The following RBFOX1 variants were observed in gnomAD, a reference collection of about 807,000 sequenced individuals.
RBFOX1 encodes the protein RNA binding fox-1 homolog 1.
In RBFOX1, 8 loss-of-function variants were observed where a neutral mutation model predicts 57.7. That is an observed-to-expected ratio of 0.14 (90% CI 0.08 to 0.25). The LOEUF is 0.25. RBFOX1 is among the 10% of genes least tolerant of loss of function. The pLI, the probability that RBFOX1 is intolerant of heterozygous loss-of-function variation, is 1.00. For synonymous variants in RBFOX1, 326 were observed against 222.4 expected, an observed-to-expected ratio of 1.47 and a Z score of -4.15; for missense variants, 611 against 548.5, an observed-to-expected ratio of 1.11 and a Z score of -1.14.
chr16:6,621,249 C>G (rs942912504), intron 2 of RBFOX1, among the ~76,000 whole-genome samples: 2 of 152,148 alleles, frequency 1.3e-5, no homozygotes, highest in Non-Finnish European at 2.9e-5. Flanking sequence ...ATCACAAGGT[C>G]AGGAGATGGA....
At chr16:5,300,459 T>C (rs2063776179) in intron 1 of RBFOX1, among the ~76,000 whole-genome samples, 1 of 152,118 alleles carries the variant, frequency 6.6e-6, no homozygotes, top group Non-Finnish European at 1.5e-5. Flanking sequence ...CCACCACTAA[T>C]GAATTTATTC....
intron 4 of RBFOX1, among the ~76,000 whole-genome samples, chr16:7,467,857 C>G (rs1054007440): frequency 6.6e-6 from 1 of 152,196 alleles, no homozygotes; most frequent in East Asian, 1.9e-4. Flanking sequence ...CAATCTATAG[C>G]CAAAGTAATG....
chr16:5,915,829 AT>A lies in RBFOX1; in HGVS notation c.351+48495del, dbSNP rs544646261. Among the ~76,000 whole-genome samples the A allele has an allele frequency of 1.4e-3, 208 of 151,090 alleles. 1 individual carries two copies. The highest frequency in any genetic ancestry group is 9.6e-4 in the Non-Finnish European group (65 of 68,010). ...CCTGGGTGACAGGGCGAGACTCAGTATAAAAAGAAAAAAAAAAGTTTATAGA... is the reference window on the plus strand; with the variant it reads ...CCTGGGTGACAGGGCGAGACTCAGTAAAAAAGAAAAAAAAAAGTTTATAGA... On this transcript the variant is annotated intron_variant, in intron 4 of 19. Transcript: ENST00000641259.
At chr16:6,545,370 C>T (rs1044246762) in intron 2 of RBFOX1, among the ~76,000 whole-genome samples, 2 of 152,180 alleles carry the variant, frequency 1.3e-5, no homozygotes, top group African/African-American at 2.4e-5. Flanking sequence ...TTTCATCTGG[C>T]CTCTTGCCTT....
At position 5,247,810 on chromosome 16, in the gene RBFOX1, C is replaced by G. The variant is rs2151070945; in HGVS notation, c.219+7705C>G. Among the ~76,000 whole-genome samples the G allele has an allele frequency of 2.0e-5, 3 of 152,310 alleles. No homozygotes were observed. In the South Asian group the frequency reaches 6.2e-4, roughly 32 times the overall value. The stretch of plus-strand genomic sequence containing the variant: ...TAGGTTAAGAGGACTTTGTACCACC[C>G]TGACATCCCAGGCGGCCATGAGTCC... On this transcript the variant is annotated intron_variant, in intron 1 of 2. Transcript: ENST00000585867.
chr16:6,887,652 T>C (rs902615408), intron 3 of RBFOX1, among the ~76,000 whole-genome samples: 1 of 146,834 alleles, frequency 6.8e-6, no homozygotes, highest in Non-Finnish European at 1.5e-5. Flanking sequence ...TTGTTTTTGC[T>C]GTCTTTCCAT....
chr16:6,726,512 A>G (rs1249667785), intron 3 of RBFOX1, among the ~76,000 whole-genome samples: 2 of 152,086 alleles, frequency 1.3e-5, no homozygotes, highest in East Asian at 1.9e-4. Flanking sequence ...ATAAACTGAA[A>G]TCAAAGTACA....
At position 5,857,369 on chromosome 16, in the gene RBFOX1, A is replaced by G. The variant is rs140866716; in HGVS notation, c.319-9934A>G. Among the ~76,000 whole-genome samples the G allele has an allele frequency of 1.7e-3, 256 of 152,296 alleles. 1 individual carries two copies. The highest frequency in any genetic ancestry group is 6.0e-3 in the African/African-American group (249 of 41,572). ...TGAAAAAATTTTAAATATTGCAGGT[A>G]TTACCAAAATGTGCCACAGAGACAT... On this transcript the variant is annotated intron_variant, in intron 3 of 19. Transcript: ENST00000641259.
chr16:7,064,394 C>G (rs996759459), intron 4 of RBFOX1, among the ~76,000 whole-genome samples: 2 of 152,014 alleles, frequency 1.3e-5, no homozygotes, highest in East Asian at 1.9e-4. Context: ...GTCTTGAACC[C>G]CTGACCTCAG....
rs186071927 is a variant in RBFOX1, at chr16:7,661,753, T to C, written c.891-3176T>C. Among the ~76,000 whole-genome samples the C allele has an allele frequency of 3.9e-3, 587 of 152,312 alleles. 4 individuals are homozygous for C. The highest frequency in any genetic ancestry group is 0.013 in the African/African-American group (549 of 41,570). On this transcript the variant is annotated intron_variant, in intron 12 of 15. Transcript: ENST00000550418. ...AGCTTTCAGTCACAGAGAAATAGTATGTATTTGGCTTGTTTGAGCTTTTCA... is the reference window on the plus strand; with the variant it reads ...AGCTTTCAGTCACAGAGAAATAGTACGTATTTGGCTTGTTTGAGCTTTTCA...
intron 4 of RBFOX1, among the ~76,000 whole-genome samples, chr16:7,071,593 G>A (rs201999620): frequency 3.8e-5 from 1 of 26,660 alleles, no homozygotes; most frequent in African/African-American, 5.6e-5. Flanking sequence ...AGATATGTGT[G>A]TGTGTGTGTG....
At chr16:6,543,125 A>G (rs1445362742) in intron 2 of RBFOX1, among the ~76,000 whole-genome samples, 1 of 152,130 alleles carries the variant, frequency 6.6e-6, no homozygotes, top group African/African-American at 2.4e-5. Flanking sequence ...AGATAAGGAG[A>G]GTTACACTCA....
At chr16:6,290,999 C>T (rs967105081) in intron 1 of RBFOX1, among the ~76,000 whole-genome samples, 4 of 152,096 alleles carry the variant, frequency 2.6e-5, no homozygotes, top group Non-Finnish European at 5.9e-5. Context: ...GATGATATGC[C>T]AAACAAGGGG....
At chr16:7,189,749 AC>A (rs1299174604) in intron 4 of RBFOX1, among the ~76,000 whole-genome samples, 1 of 152,230 alleles carries the variant, frequency 6.6e-6, no homozygotes, top group Non-Finnish European at 1.5e-5. Context: ...TCCCACAGAC[AC>A]CTGCAGGCAA....
At chr16:7,072,700 A>G (rs1567157190) in intron 4 of RBFOX1, among the ~76,000 whole-genome samples, 1 of 152,248 alleles carries the variant, frequency 6.6e-6, no homozygotes, top group Non-Finnish European at 1.5e-5. Flanking sequence ...ACCATAAACA[A>G]CTTTAATACT....
At chr16:5,258,018 G>A (rs62019132) in intron 1 of RBFOX1, among the ~76,000 whole-genome samples, 1 of 152,032 alleles carries the variant, frequency 6.6e-6, no homozygotes, top group Non-Finnish European at 1.5e-5. Context: ...AGCTGGGACT[G>A]CGGGTGCACA....
intron 4 of RBFOX1, among the ~76,000 whole-genome samples, chr16:7,246,870 T>C (rs1399192585): frequency 6.6e-6 from 1 of 152,122 alleles, no homozygotes. Flanking sequence ...TGAACTCCAG[T>C]TCTGCCATCC....
At chr16:6,533,908 A>G (rs1314936207) in intron 2 of RBFOX1, among the ~76,000 whole-genome samples, 1 of 152,170 alleles carries the variant, frequency 6.6e-6, no homozygotes, top group African/African-American at 2.4e-5. Flanking sequence ...TTGTCCCATA[A>G]AAAGACATTA....
chr16:6,258,547 C>A (rs1420896960), intron 1 of RBFOX1, among the ~76,000 whole-genome samples: 1 of 152,196 alleles, frequency 6.6e-6, no homozygotes, highest in Non-Finnish European at 1.5e-5. Context: ...TTCAGTGGCT[C>A]CCTATTGCTT....
Sources: allele counts gnomAD v4.1 joint callset (sites outside exome capture counted in the v4.1 genomes callset), GRCh38; gene constraint gnomAD v4.1.1; transcripts MANE v1.5; gene names NCBI Gene and HGNC (gene_info 2026-07-23, HGNC 2026-07-21).